The following ADAR variants were observed in gnomAD, a reference collection of about 807,000 sequenced individuals.
ADAR encodes adenosine deaminase RNA specific, also known as double-stranded RNA-specific adenosine deaminase.
Under a neutral mutation model 113.2 loss-of-function variants are expected in ADAR, and 41 were observed. The ratio of observed to expected loss-of-function variants is 0.36; its 90% CI spans 0.28 to 0.47. The LOEUF (loss-of-function observed/expected upper bound fraction) is 0.47, where lower values mean the gene tolerates loss of function less well. Among genes scored for constraint, ADAR ranks in the 20% least tolerant of loss-of-function variants. The probability of loss-of-function intolerance (pLI) is 1.00; values close to 1 mark genes in which losing one functional copy is unlikely to be tolerated. For missense variants in ADAR, 1,242 were observed against 1,540.9 expected (o/e 0.81, Z 3.25); for synonymous variants, 605 against 572.6 (o/e 1.06, Z -0.81).
At chr1:154,611,452 A>C (rs1698484899), upstream of ADAR, among the ~76,000 whole-genome samples, 1 of 152,064 alleles carries the variant, frequency 6.6e-6, no homozygotes, top group South Asian at 2.1e-4. Context: ...CATGGTTGTG[A>C]GGTGATGATG....
chr1:154,602,086 G>A lies in ADAR; in HGVS notation c.556C>T (p.Gln186Ter). Residue 186 changes from glutamine to a stop codon, truncating the protein, a stop_gained, in exon 2 of 15, where the codon CAG becomes TAG. Coordinates refer to ENST00000368474, the MANE Select transcript of ADAR (RefSeq NM_001111.5). LOFTEE classifies it high-confidence loss of function. ...AAAGGGGGTGTTCCTGCCTCTTTCT[G>A]TAGCTTGCCCTTCTTTGCCAGGGAG... ...LYSLAKKGKLQKEAGTPPLWK... is the reference protein window; with the variant it reads ...LYSLAKKGKL 6.2e-7 allele frequency: 1 copy of A among 1,614,230 alleles called. No homozygotes were observed. The highest frequency in any genetic ancestry group is 8.5e-7 in the Non-Finnish European group (1 of 1,180,040).
Position 154,598,500 on chromosome 1 carries a change from T to C in ADAR, c.1687A>G (p.Met563Val), listed in dbSNP as rs748929510. Residue 563 changes from methionine to valine, a missense_variant, in exon 3 of 15, where the codon ATG becomes GTG. Around this residue, in one of 2 missense-constraint regions of ADAR, gnomAD observed 780 missense variants for 1,057.9 expected, o/e 0.74. Transcript: ENST00000368474. ...SKKVAKQDAA[M>V]KAMTILLEEA... is the part of the protein sequence containing the mutation. ...TCTAGCAGAATTGTCATGGCTTTCA[T>C]AGCTGCATCCTGCTTGGCCACTTTC... 4.3e-6 allele frequency: 7 copies of C among 1,614,204 alleles called. No homozygotes were observed. Among genetic ancestry groups the C allele is most frequent in the Admixed American group, 1.7e-5 (1 of 60,034 alleles).
chr1:154,589,145 C>A (rs1282184879), intron 9 of ADAR, among the ~76,000 whole-genome samples: 1 of 152,218 alleles, frequency 6.6e-6, no homozygotes, highest in African/African-American at 2.4e-5. Flanking sequence ...GAAAAAAGGA[C>A]AGCATTTAAA....
At chr1:154,627,645 C>G (rs550354472) in intron 1 of ADAR, among the ~76,000 whole-genome samples, 1 of 152,246 alleles carries the variant, frequency 6.6e-6, no homozygotes, top group African/African-American at 2.4e-5. Context: ...CAAAAGTACA[C>G]CGGCCCGGGC....
At chr1:154,622,654 C>T (rs1045188605) in intron 1 of ADAR, among the ~76,000 whole-genome samples, 3 of 152,168 alleles carry the variant, frequency 2.0e-5, no homozygotes, top group Non-Finnish European at 4.4e-5. Context: ...GGCCTGACCT[C>T]TGCAGGTTCA....
At chr1:154,595,749 A>G (rs1420549014) in intron 6 of ADAR, among the ~76,000 whole-genome samples, 2 of 152,242 alleles carry the variant, frequency 1.3e-5, no homozygotes, top group Non-Finnish European at 2.9e-5. Context: ...AGCCTAAGTG[A>G]ACAGTGTTTA....
intron 1 of ADAR, among the ~76,000 whole-genome samples, chr1:154,624,750 T>G (rs184000608): frequency 3.3e-4 from 50 of 152,368 alleles, no homozygotes; most frequent in African/African-American, 1.0e-3. Context: ...GGTCCAAGTC[T>G]AACAGATGTT....
chr1:154,609,400 A>C (rs969204750), upstream of ADAR, among the ~76,000 whole-genome samples: 2 of 152,198 alleles, frequency 1.3e-5, no homozygotes, highest in African/African-American at 4.8e-5. Flanking sequence ...CCCCATGCTT[A>C]TGAAATTACA....
chr1:154,616,561 C>G (rs557587200), intron 1 of ADAR, among the ~76,000 whole-genome samples: 1 of 152,088 alleles, frequency 6.6e-6, no homozygotes, highest in Admixed American at 6.6e-5. Flanking sequence ...ACCCCTACCC[C>G]CTCCCATCGC....
chr1:154,594,903 T>C (rs1254296820), intron 6 of ADAR, among the ~76,000 whole-genome samples: 1 of 152,224 alleles, frequency 6.6e-6, no homozygotes, highest in Admixed American at 6.5e-5. Flanking sequence ...AAAGGGAAAA[T>C]GTGCTAGTTA....
chr1:154,605,935 A>G (rs909956333), intron 1 of ADAR: 1 of 920,506 alleles, frequency 1.1e-6, no homozygotes, highest in African/African-American at 1.8e-5. Context: ...CCAAATCTGG[A>G]AAATATTTTA....
chr1:154,601,009 AC>A lies in ADAR; in HGVS notation c.1601+31del. ...TCAGGAGCAAAAGCACCTGACCCCA[AC>A]CCTAGGTACAGTTCCTGGGTGGTCT... On this transcript the variant is annotated intron_variant, in intron 2 of 14. Coordinates refer to ENST00000368474, the MANE Select transcript of ADAR (RefSeq NM_001111.5). This position sits in a 1 kb window ranked among gnomAD's most constrained non-coding sequence, Gnocchi z 4.7. 1.2e-6 allele frequency: 2 copies of A among 1,613,492 alleles called. No homozygotes were observed. Among genetic ancestry groups the A allele is most frequent in the South Asian group, 1.1e-5 (1 of 91,042 alleles).
chr1:154,627,381 A>G lies in ADAR; in HGVS notation c.-871+474T>C, dbSNP rs142228496. Among the ~76,000 whole-genome samples the G allele has an allele frequency of 8.5e-3, 1,299 of 152,314 alleles. 9 individuals are homozygous for G. The highest frequency in any genetic ancestry group is 0.014 in the Non-Finnish European group (937 of 68,024). On this transcript the variant is annotated intron_variant, in intron 1 of 14. Transcript: ENST00000368471. ...CCAGGGCGGCGATGTTATCTCTGGG[A>G]TAAAGGGCCGGTCCTAACGCAGTTT...
intron 6 of ADAR, among the ~76,000 whole-genome samples, chr1:154,594,200 G>C (rs1046129647): frequency 2.0e-5 from 3 of 152,072 alleles, no homozygotes; most frequent in Admixed American, 6.6e-5. Context: ...TTCTATTAAG[G>C]AGAGACAAAT....
At chr1:154,596,034 A>AT (rs1475035486) in intron 6 of ADAR, among the ~76,000 whole-genome samples, 1 of 152,212 alleles carries the variant, frequency 6.6e-6, no homozygotes, top group Non-Finnish European at 1.5e-5. Flanking sequence ...GCAACCGGCC[A>AT]TACCATACAG....
intron 1 of ADAR, among the ~76,000 whole-genome samples, chr1:154,605,427 A>G (rs1457891493): frequency 9.2e-6 from 1 of 108,652 alleles, no homozygotes; most frequent in Non-Finnish European, 1.9e-5. Flanking sequence ...CTCGTATCAG[A>G]GCTACTGGAT....
intron 1 of ADAR, among the ~76,000 whole-genome samples, chr1:154,618,001 G>C (rs1571146488): frequency 6.6e-6 from 1 of 151,440 alleles, no homozygotes; most frequent in South Asian, 2.1e-4. Context: ...TTGAATATAA[G>C]AGAAACATAT....
chr1:154,615,434 G>C (rs1698606309), intron 1 of ADAR, among the ~76,000 whole-genome samples: 1 of 152,152 alleles, frequency 6.6e-6, no homozygotes, highest in Admixed American at 6.6e-5. Flanking sequence ...TTTTTTAAAA[G>C]ACAAGGTCTC....
intron 11 of ADAR, 33 bp from the exon 12 acceptor site, chr1:154,586,396 G>A (rs773183130): frequency 2.5e-6 from 4 of 1,609,286 alleles, no homozygotes; most frequent in Non-Finnish European, 3.4e-6. Context: ...ACCCACAGGC[G>A]CCAATGGACC....
Sources: gnomAD v4.1 joint callset for allele counts (sites outside exome capture counted in the v4.1 genomes callset) on GRCh38, gnomAD v4.1.1 for gene constraint, gnomAD v4.1.1 regional missense constraint, Gnocchi (gnomAD v3.1) non-coding constraint, MANE v1.5 for transcripts, NCBI Gene and HGNC (gene_info 2026-07-23, HGNC 2026-07-21) for gene names.